Variants in PPP1R16B observed in about 807,000 individuals in gnomAD.
The protein encoded by PPP1R16B is protein phosphatase 1 regulatory inhibitor subunit 16B.
In PPP1R16B, 14 loss-of-function variants were observed where a neutral mutation model predicts 61.7. The ratio of observed to expected loss-of-function variants is 0.23; its 90% CI spans 0.15 to 0.35. PPP1R16B has a LOEUF of 0.35. PPP1R16B is among the 10% of genes least tolerant of loss of function. PPP1R16B has a pLI of 1.00. For synonymous variants in PPP1R16B, 266 were observed against 305.3 expected (o/e 0.87, Z 1.34); for missense variants, 547 against 752.5 (o/e 0.73, Z 3.19).
chr20:38,918,852 G>A lies in PPP1R16B; in HGVS notation c.*186G>A. ...CCCATGTCCCACGTCCCGTGGTTCT[G>A]CTTCCTGCTGCATCGTCTGCCATCT... On this transcript the variant is annotated 3_prime_UTR_variant, in exon 11 of 11. Transcript: ENST00000299824. The surrounding 1 kb of genome is among the most constrained non-coding windows in gnomAD (Gnocchi z 5.3). The A allele has an allele frequency of 1.6e-6, 1 of 644,800 alleles. No homozygotes were observed. Among genetic ancestry groups the A allele is most frequent in the Non-Finnish European group, 2.3e-6 (1 of 427,860 alleles). 39.9% of individuals were successfully genotyped at this position (644,800 alleles called of 1,614,324 possible).
At chr20:38,881,528 G>A (rs2085203439) in intron 2 of PPP1R16B, among the ~76,000 whole-genome samples, 1 of 152,190 alleles carries the variant, frequency 6.6e-6, no homozygotes, top group South Asian at 2.1e-4. Flanking sequence ...GGGATGTGGC[G>A]ACATCAGGCA....
Position 38,889,653 on chromosome 20 carries a change from A to C in PPP1R16B, c.309A>C (p.Thr103=), listed in dbSNP as rs750486555. The change falls in exon 3 of 11, where the codon ACA becomes ACC. Residue 103 remains threonine, a synonymous_variant. Transcript: ENST00000299824. ...SPDLCNEDGL[T]ALHQCCIDNF... is the part of the protein sequence containing the mutation. Reference sequence around the variant, plus strand: ...ATTTGTGCAATGAGGACGGACTCACAGCCCTACACCAGGTAAGGCCGGGCT... The same window carrying C: ...ATTTGTGCAATGAGGACGGACTCACCGCCCTACACCAGGTAAGGCCGGGCT... 3.8e-6 allele frequency: 6 copies of C among 1,593,576 alleles called. No homozygotes were observed. The highest frequency in any genetic ancestry group is 5.2e-6 in the Non-Finnish European group (6 of 1,161,192).
chr20:38,822,073 G>A (rs1277459509), intron 1 of PPP1R16B, among the ~76,000 whole-genome samples: 5 of 148,310 alleles, frequency 3.4e-5, no homozygotes, highest in Non-Finnish European at 7.4e-5. Flanking sequence ...TTTTAATCAG[G>A]CAATTAACTT....
intron 10 of PPP1R16B, among the ~76,000 whole-genome samples, chr20:38,913,752 T>C (rs1399370056): frequency 6.6e-6 from 1 of 152,156 alleles, no homozygotes. Context: ...AATTGGACAG[T>C]TGACCAGGAA....
rs1336630168 is a variant in PPP1R16B at position 38,920,462 on chromosome 20, TC to T, written c.*1800del. On this transcript the variant is annotated 3_prime_UTR_variant, in exon 11 of 11. Transcript: ENST00000299824. ...CTAGGGGCTTGGGACTGGAAGACCA[TC>T]CCCGCCTTGTGCCACAACTTTGGTC... The T allele has an allele frequency of 6.5e-6, 1 of 152,690 alleles. No homozygotes were observed. The highest frequency in any genetic ancestry group is 2.4e-5 in the African/African-American group (1 of 41,456). The allele number at this position is 152,690 out of a possible 1,614,324, so 9.5% of individuals were successfully genotyped here.
intron 2 of PPP1R16B, among the ~76,000 whole-genome samples, chr20:38,883,126 C>A (rs2085214749): frequency 6.6e-6 from 1 of 152,180 alleles, no homozygotes; most frequent in South Asian, 2.1e-4. Context: ...GAACCTGACC[C>A]TGCAAGTCAC....
chr20:38,884,206 G>T (rs1174532041), intron 2 of PPP1R16B, among the ~76,000 whole-genome samples: 1 of 152,246 alleles, frequency 6.6e-6, no homozygotes, highest in African/African-American at 2.4e-5. Context: ...AGGGAGACAG[G>T]ACCCCTGGCG....
At chr20:38,909,657 T>C (rs2085473385) in intron 10 of PPP1R16B, among the ~76,000 whole-genome samples, 1 of 152,198 alleles carries the variant, frequency 6.6e-6, no homozygotes, top group Non-Finnish European at 1.5e-5. Flanking sequence ...TGGGATGAAA[T>C]TGATTAGCTA....
At chr20:38,905,581 A>G (rs753356072) in intron 6 of PPP1R16B, among the ~76,000 whole-genome samples, 61 of 152,234 alleles carry the variant, frequency 4.0e-4, no homozygotes, top group Non-Finnish European at 7.5e-4. Context: ...AGTCTGGCCC[A>G]CATTCAAGGT....
intron 2 of PPP1R16B, among the ~76,000 whole-genome samples, chr20:38,852,248 A>G (rs2084973898): frequency 6.6e-6 from 1 of 152,230 alleles, no homozygotes; most frequent in Non-Finnish European, 1.5e-5. Flanking sequence ...TAATCATTAA[A>G]CATGATGATT....
chr20:38,865,340 A>T (rs1488478909), intron 2 of PPP1R16B, among the ~76,000 whole-genome samples: 1 of 147,340 alleles, frequency 6.8e-6, no homozygotes, highest in Non-Finnish European at 1.5e-5. Flanking sequence ...CCCAGGCTGG[A>T]GTGCAGTGGC....
At chr20:38,831,275 T>C (rs977058374) in intron 1 of PPP1R16B, among the ~76,000 whole-genome samples, 4 of 152,204 alleles carry the variant, frequency 2.6e-5, no homozygotes, top group African/African-American at 7.2e-5. Flanking sequence ...GATCCTGGCA[T>C]TGGGCTGTGT....
At chr20:38,822,225 T>C (rs2084777671) in intron 1 of PPP1R16B, among the ~76,000 whole-genome samples, 1 of 151,736 alleles carries the variant, frequency 6.6e-6, no homozygotes, top group South Asian at 2.1e-4. Context: ...CTGTTTATAC[T>C]CAGAATTTGG....
chr20:38,842,178 A>G (rs1364226820), intron 2 of PPP1R16B, among the ~76,000 whole-genome samples: 1 of 152,160 alleles, frequency 6.6e-6, no homozygotes, highest in Admixed American at 6.5e-5. Flanking sequence ...CATGTATTTA[A>G]CCACCAGGCA....
intron 7 of PPP1R16B, 83 bp downstream of exon 7, chr20:38,906,177 T>G (rs1331140743): frequency 1.4e-6 from 2 of 1,478,542 alleles, no homozygotes; most frequent in Admixed American, 2.0e-5. Context: ...GGCAGTTGTT[T>G]TCAAAGAACA....
intron 2 of PPP1R16B, among the ~76,000 whole-genome samples, chr20:38,876,924 A>AT (rs1160892331): frequency 1.3e-5 from 2 of 152,068 alleles, no homozygotes; most frequent in Admixed American, 6.5e-5. Context: ...TAGCTACTGT[A>AT]TTTTTTTTCC....
intron 2 of PPP1R16B, among the ~76,000 whole-genome samples, chr20:38,880,068 T>G (rs1302343624): frequency 6.6e-6 from 1 of 152,126 alleles, no homozygotes; most frequent in Non-Finnish European, 1.5e-5. Context: ...TAAGCTCCAT[T>G]CACTTCTGCG....
intron 1 of PPP1R16B, among the ~76,000 whole-genome samples, chr20:38,829,084 ACT>A (rs2084821117): frequency 6.6e-6 from 1 of 151,910 alleles, no homozygotes; most frequent in Admixed American, 6.6e-5. Flanking sequence ...ATATGCACTG[ACT>A]CTGTCTCTCC....
chr20:38,844,888 C>A (rs148744950), intron 2 of PPP1R16B, among the ~76,000 whole-genome samples: 89 of 152,194 alleles, frequency 5.8e-4, no homozygotes, highest in African/African-American at 2.1e-3. Context: ...AGTCTAGAGA[C>A]CACTTTGAGA....
Sources: allele counts gnomAD v4.1 joint callset (sites outside exome capture counted in the v4.1 genomes callset), GRCh38; gene constraint gnomAD v4.1.1; non-coding constraint Gnocchi (gnomAD v3.1); transcripts MANE v1.5; gene names NCBI Gene and HGNC (gene_info 2026-07-23, HGNC 2026-07-21).